The following PTPN4 variants were observed in gnomAD, a reference collection of about 807,000 sequenced individuals.
PTPN4 encodes the protein tyrosine-protein phosphatase non-receptor type 4.
Under a neutral mutation model 135.5 loss-of-function variants are expected in PTPN4, and 49 were observed. That is an observed-to-expected ratio of 0.36 (90% CI 0.29 to 0.46). The LOEUF (loss-of-function observed/expected upper bound fraction) is 0.46. Ranked by LOEUF, PTPN4 falls within the 20% of genes least tolerant of loss-of-function variation. The probability of loss-of-function intolerance (pLI) is 1.00; values close to 1 mark genes in which losing one functional copy is unlikely to be tolerated. For missense variants in PTPN4, 860 were observed against 1,101.0 expected (o/e 0.78, Z 3.10); for synonymous variants, 333 against 369.9 (o/e 0.90, Z 1.14).
chr2:119,817,323 C>G lies in PTPN4; in HGVS notation c.138+7332C>G, dbSNP rs562001576. On this transcript the variant is annotated intron_variant, in intron 2 of 26. Transcript: ENST00000263708. ...CCATTTATTGAATACAGAATCCTTT[C>G]CCCATTGCTTTTTTTTTTTTTTAAT... 4.0e-5 allele frequency among the ~76,000 whole-genome samples: 6 copies of G among 151,356 alleles called. 1 individual carries two copies. In the South Asian group the frequency reaches 1.3e-3, roughly 32 times the overall value.
At position 119,768,045 on chromosome 2, in the gene PTPN4, A is replaced by G. The variant is rs371095789; in HGVS notation, c.-18+7661A>G. Among the ~76,000 whole-genome samples the G allele has an allele frequency of 8.5e-5, 13 of 152,296 alleles. No individual in the cohort carries two copies. The East Asian group carries it at 2.5e-3, about 29-fold the overall frequency. On this transcript the variant is annotated intron_variant, in intron 1 of 26. Transcript: ENST00000263708. ...AGTTGTCACCTACATTTATTAGTTC[A>G]TATTCTACTGAAAGAAGATTTTCTC...
At chr2:119,947,963 T>C (rs1679160773) in intron 18 of PTPN4, among the ~76,000 whole-genome samples, 1 of 152,074 alleles carries the variant, frequency 6.6e-6, no homozygotes, top group South Asian at 2.1e-4. Flanking sequence ...ACTCCTGGGA[T>C]GTAAACCCTT....
chr2:119,952,566 A>G (rs1350457519), intron 19 of PTPN4, among the ~76,000 whole-genome samples: 1 of 152,236 alleles, frequency 6.6e-6, no homozygotes, highest in South Asian at 2.1e-4. Flanking sequence ...TTGTAGTACT[A>G]GTACTCAATA....
At chr2:119,883,975 C>G (rs1372060843) in intron 8 of PTPN4, among the ~76,000 whole-genome samples, 4 of 152,256 alleles carry the variant, frequency 2.6e-5, no homozygotes, top group Admixed American at 6.5e-5. Flanking sequence ...TCTCAGCTCA[C>G]TGCAAGCTCC....
chr2:119,839,842 T>C (rs1398950490), intron 2 of PTPN4, among the ~76,000 whole-genome samples: 1 of 152,196 alleles, frequency 6.6e-6, no homozygotes. Context: ...TTGTCATCAG[T>C]ATGCAGCTTG....
chr2:119,886,846 T>G (rs765170253), intron 9 of PTPN4, among the ~76,000 whole-genome samples: 1 of 152,222 alleles, frequency 6.6e-6, no homozygotes, highest in African/African-American at 2.4e-5. Flanking sequence ...ACAAAGCTTA[T>G]GTCAATCTTT....
At chr2:119,901,892 G>A (rs751235505) in intron 10 of PTPN4, among the ~76,000 whole-genome samples, 143 of 152,058 alleles carry the variant, frequency 9.4e-4, no homozygotes, top group Non-Finnish European at 1.8e-3. Context: ...AAATGAGTGA[G>A]CTTGAAGATA....
At chr2:119,936,195 G>T (rs527921040) in intron 15 of PTPN4, among the ~76,000 whole-genome samples, 98 of 152,194 alleles carry the variant, frequency 6.4e-4, no homozygotes, top group African/African-American at 2.2e-3. Context: ...GTAGAGATGG[G>T]GTTTCACCGT....
At chr2:119,925,046 C>T (rs984793904) in intron 12 of PTPN4, among the ~76,000 whole-genome samples, 1 of 152,164 alleles carries the variant, frequency 6.6e-6, no homozygotes, top group East Asian at 1.9e-4. Flanking sequence ...TGTTAGAGCT[C>T]TGTTTCCCTG....
At position 119,977,610 on chromosome 2, in the gene PTPN4, T is replaced by C. The variant is rs1679636658; in HGVS notation, c.*540T>C. 6.6e-6 allele frequency: 1 copy of C among 152,268 alleles called. No homozygotes were observed. Among genetic ancestry groups the C allele is most frequent in the Non-Finnish European group, 1.5e-5 (1 of 68,040 alleles). The allele number at this position is 152,268 out of a possible 1,614,324, so 9.4% of individuals were successfully genotyped here. The stretch of plus-strand genomic sequence containing the variant: ...ACACCCCCTGTAGAGACCTGCCTGC[T>C]GCTCAGAAGAAGAAAGATGGAATTT... On this transcript the variant is annotated 3_prime_UTR_variant, in exon 27 of 27. Coordinates refer to ENST00000263708, the MANE Select transcript of PTPN4 (RefSeq NM_002830.4).
At chr2:119,884,170 T>C (rs1288441045) in intron 8 of PTPN4, among the ~76,000 whole-genome samples, 3 of 152,278 alleles carry the variant, frequency 2.0e-5, no homozygotes, top group African/African-American at 7.2e-5. Context: ...AGTGCTGGGA[T>C]TACAGGCGTG....
intron 10 of PTPN4, among the ~76,000 whole-genome samples, chr2:119,906,714 G>A (rs1212336274): frequency 6.6e-6 from 1 of 152,192 alleles, no homozygotes; most frequent in African/African-American, 2.4e-5. Flanking sequence ...ACATCATACA[G>A]AACAGGTCAA....
Position 119,962,624 on chromosome 2 carries a change from TCA to T in PTPN4, c.2291_2292del (p.His764ProfsTer22). The T allele has an allele frequency of 6.7e-7, 1 of 1,483,714 alleles. No homozygotes were observed. The highest frequency in any genetic ancestry group is 9.1e-7 in the Non-Finnish European group (1 of 1,102,204). The allele number at this position is 1,483,714 out of a possible 1,614,324, so 91.9% of individuals were successfully genotyped here. A position where few individuals can be genotyped will look rare whatever the true frequency, so the allele number is the denominator to read the frequency against. On this transcript the variant is annotated frameshift_variant, in exon 24 of 27. Transcript: ENST00000263708. LOFTEE classifies it high-confidence loss of function. ...ATTTATATCAATATCAGGTTAAATGTCACCAATATTGGCCAGAACCCACAGGC... is the reference window on the plus strand; with the variant it reads ...ATTTATATCAATATCAGGTTAAATGTCCAATATTGGCCAGAACCCACAGGC... ...TQVERGRVKC[H>X]QYWPEPTGSS...
intron 20 of PTPN4, among the ~76,000 whole-genome samples, chr2:119,955,869 A>G (rs1273740757): frequency 6.6e-6 from 1 of 151,986 alleles, no homozygotes; most frequent in Non-Finnish European, 1.5e-5. Context: ...CCTGGGAGGC[A>G]GAGCTTGCAG....
intron 1 of PTPN4, among the ~76,000 whole-genome samples, chr2:119,790,843 A>G (rs1412793671): frequency 6.6e-6 from 1 of 151,968 alleles, no homozygotes; most frequent in Admixed American, 6.6e-5. Flanking sequence ...GTATCTTTTC[A>G]AGAAAATTTT....
chr2:119,873,642 A>G (rs746473140), intron 3 of PTPN4, among the ~76,000 whole-genome samples: 20 of 152,196 alleles, frequency 1.3e-4, no homozygotes, highest in Non-Finnish European at 2.4e-4. Flanking sequence ...ACACTCCTTC[A>G]TGAATGGGGT....
At chr2:119,904,233 A>AT (rs945238738) in intron 10 of PTPN4, among the ~76,000 whole-genome samples, 1 of 152,174 alleles carries the variant, frequency 6.6e-6, no homozygotes, top group African/African-American at 2.4e-5. Flanking sequence ...TAAAAAAAAA[A>AT]GCCAACAAAT....
chr2:119,820,607 T>C (rs1677051660), intron 2 of PTPN4, among the ~76,000 whole-genome samples: 1 of 152,202 alleles, frequency 6.6e-6, no homozygotes, highest in South Asian at 2.1e-4. Context: ...CTGCTGATCA[T>C]AATACTCTAG....
At chr2:119,896,363 C>T (rs932948506) in intron 9 of PTPN4, among the ~76,000 whole-genome samples, 2 of 152,142 alleles carry the variant, frequency 1.3e-5, no homozygotes, top group African/African-American at 2.4e-5. Context: ...TTAGAATTTA[C>T]CTGTAAAGCA....
Sources: allele counts gnomAD v4.1 joint callset (sites outside exome capture counted in the v4.1 genomes callset), GRCh38; gene constraint gnomAD v4.1.1; transcripts MANE v1.5; gene names NCBI Gene and HGNC (gene_info 2026-07-23, HGNC 2026-07-21).